PLCZ1: variants seen among roughly 807,000 people sequenced by gnomAD.
PLCZ1 encodes 1-phosphatidylinositol 4,5-bisphosphate phosphodiesterase zeta-1.
A neutral mutation model predicts 76.8 loss-of-function variants in PLCZ1; 64 were observed. The ratio of observed to expected loss-of-function variants is 0.83; its 90% confidence interval spans 0.68 to 1.03. The LOEUF (loss-of-function observed/expected upper bound fraction) is 1.03, where lower values mean the gene tolerates loss of function less well. PLCZ1 is among the 50% of genes least tolerant of loss of function. PLCZ1 has a pLI of 0.00. For synonymous variants in PLCZ1, 248 were observed against 230.8 expected (o/e 1.07, Z -0.68); for missense variants, 751 against 713.7 (o/e 1.05, Z -0.60).
At chr12:18,662,756 G>A in the PLCZ1 span, among the ~76,000 whole-genome samples, 2 of 152,066 alleles carry the variant, frequency 1.3e-5, no homozygotes, top group Non-Finnish European at 2.9e-5. Flanking sequence ...ATATGTTACT[G>A]AAGTTAAGCT....
chr12:18,727,285 C>T lies in PLCZ1; in HGVS notation c.136-3743G>A, dbSNP rs552859005. Among the ~76,000 whole-genome samples, 300 of 152,180 alleles carry T rather than the reference C, an allele frequency of 2.0e-3. 1 individual carries two copies. The highest frequency in any genetic ancestry group is 7.1e-3 in the African/African-American group (294 of 41,550). On this transcript the variant is annotated intron_variant, in intron 3 of 14. Transcript: ENST00000266505. ...ATCCCTTGAGCCCAGGAGTCCAGGG[C>T]TAGAGTGAGCTATAATCATACCACT...
intron 3 of PLCZ1, among the ~76,000 whole-genome samples, chr12:18,728,541 G>C (rs1313081979): frequency 6.6e-6 from 1 of 152,116 alleles, no homozygotes; most frequent in Non-Finnish European, 1.5e-5. Context: ...TTTAAGAGGA[G>C]AGCAGAAGGA....
At chr12:18,649,644 G>A in the PLCZ1 span, among the ~76,000 whole-genome samples, 37 of 152,186 alleles carry the variant, frequency 2.4e-4, no homozygotes, top group Non-Finnish European at 5.1e-4. Flanking sequence ...GCCATTACAA[G>A]CAGGTATTTG....
At chr12:18,670,378 G>A in the PLCZ1 span, among the ~76,000 whole-genome samples, 1 of 152,020 alleles carries the variant, frequency 6.6e-6, no homozygotes, top group Admixed American at 6.5e-5. Context: ...CTGTGCCACA[G>A]AGAGCTAGAA....
At chr12:18,729,287 T>C (rs560599570) in intron 3 of PLCZ1, among the ~76,000 whole-genome samples, 11,014 of 152,094 alleles carry the variant, frequency 0.072, 498 homozygotes, top group Middle Eastern at 0.12. Context: ...ACATATTCCT[T>C]CTTATTTAAG....
intron 13 of PLCZ1, among the ~76,000 whole-genome samples, chr12:18,687,529 G>A (rs1953346876): frequency 6.6e-6 from 1 of 152,060 alleles, no homozygotes; most frequent in Admixed American, 6.6e-5. Context: ...TGTGTAAGAT[G>A]TCATAGCATG....
intron 13 of PLCZ1, among the ~76,000 whole-genome samples, chr12:18,687,227 G>A (rs1403029185): frequency 6.6e-6 from 1 of 152,114 alleles, no homozygotes; most frequent in African/African-American, 2.4e-5. Flanking sequence ...ATTCAGGGGA[G>A]TGCAAAGGAG....
At chr12:18,686,198 T>G (rs937023390) in intron 13 of PLCZ1, among the ~76,000 whole-genome samples, 26 of 151,982 alleles carry the variant, frequency 1.7e-4, no homozygotes, top group African/African-American at 6.0e-4. Context: ...CACTGAAATT[T>G]TATCCTGACT....
chr12:18,694,107 C>A, intron 12 of PLCZ1: 2 of 1,006,588 alleles, frequency 2.0e-6, no homozygotes, highest in Non-Finnish European at 3.1e-6. Context: ...TAGTGAACTA[C>A]GGCTGCCATC....
chr12:18,714,352 T>A (rs1957700371), intron 5 of PLCZ1, among the ~76,000 whole-genome samples: 1 of 152,216 alleles, frequency 6.6e-6, no homozygotes, highest in East Asian at 1.9e-4. Context: ...GTTAGTGCTG[T>A]TTCTACAACA....
At chr12:18,686,966 T>C (rs1953245645) in intron 13 of PLCZ1, among the ~76,000 whole-genome samples, 1 of 151,994 alleles carries the variant, frequency 6.6e-6, no homozygotes, top group African/African-American at 2.4e-5. Flanking sequence ...TAAATTAAGT[T>C]TCTAAGCATT....
chr12:18,701,852 T>G (rs1955979740), intron 7 of PLCZ1, 76 bp from the exon 8 acceptor site: 2 of 1,528,504 alleles, frequency 1.3e-6, no homozygotes, highest in Non-Finnish European at 1.8e-6. Context: ...GAAAAGTGTT[T>G]CACTATATTT....
intron 2 of PLCZ1, chr12:18,736,735 A>G (rs1410905460): frequency 8.2e-7 from 1 of 1,213,712 alleles, no homozygotes; most frequent in Non-Finnish European, 1.1e-6. Context: ...AAGGTGAGCA[A>G]ATTAACCCTG....
chr12:18,683,658 C>A, intron 14 of PLCZ1: 2 of 1,320,268 alleles, frequency 1.5e-6, no homozygotes, highest in Non-Finnish European at 2.0e-6. Context: ...CATATTGAGA[C>A]AAGGTAATTG....
chr12:18,648,359 G>T, the PLCZ1 span: 1 of 224,888 alleles, frequency 4.4e-6, no homozygotes, highest in African/African-American at 2.2e-5. Context: ...GTTAAAAGCA[G>T]TATTTTTAAT....
the PLCZ1 span, among the ~76,000 whole-genome samples, chr12:18,671,361 C>T: frequency 6.6e-6 from 1 of 151,764 alleles, no homozygotes; most frequent in Non-Finnish European, 1.5e-5. Flanking sequence ...GTAAGTACAG[C>T]TGGGAAGAAA....
intron 2 of PLCZ1, chr12:18,736,644 C>CT (rs1332529524): frequency 7.7e-7 from 1 of 1,294,434 alleles, no homozygotes; most frequent in South Asian, 1.2e-5. Context: ...AATCTATTGC[C>CT]TGAAGGCATG....
chr12:18,705,288 A>G lies in PLCZ1; in HGVS notation c.742T>C (p.Leu248=). Residue 248 remains leucine (L), a synonymous_variant, in exon 7 of 15, where the codon TTA becomes CTA. Coordinates refer to ENST00000266505, the MANE Select transcript of PLCZ1 (RefSeq NM_033123.4). ...MTSDYPVVLS[L]ENHCSTAQQE... ...TGGGCAGTGGAGCAGTGATTTTCTA[A>G]AGAGAGCACCACTGGGTAGTCAGAT... 2 of 1,614,130 alleles carry G rather than the reference A, an allele frequency of 1.2e-6. No individual in the cohort carries two copies. The highest frequency in any genetic ancestry group is 2.7e-5 in the African/African-American group (2 of 75,044).
chr12:18,650,688 GTGTGTGTGTGTGTGTGTATATATCTA>G, the PLCZ1 span, among the ~76,000 whole-genome samples: 9 of 40,254 alleles, frequency 2.2e-4, no homozygotes, highest in East Asian at 1.2e-3. Flanking sequence ...GTGTGTGTGT[GTGTGTGTGTGTGTGTGTATATATCTA>G]TATATATATA....
Sources: allele counts gnomAD v4.1 joint callset (sites outside exome capture counted in the v4.1 genomes callset), GRCh38; gene constraint gnomAD v4.1.1; transcripts MANE v1.5; gene names NCBI Gene and HGNC (gene_info 2026-07-23, HGNC 2026-07-21).